The following BAIAP2L1 variants were observed in gnomAD, a reference collection of about 807,000 sequenced individuals.
BAIAP2L1 encodes BAR/IMD domain-containing adapter protein 2-like 1.
Under a neutral mutation model 66.3 loss-of-function variants are expected in BAIAP2L1, and 35 were observed. That is an observed-to-expected ratio of 0.53 (90% CI 0.40 to 0.70). The LOEUF (loss-of-function observed/expected upper bound fraction) is 0.70. BAIAP2L1 is among the 30% of genes least tolerant of loss of function. BAIAP2L1 has a pLI of 0.00. For missense variants in BAIAP2L1, 622 were observed against 656.9 expected, an observed-to-expected ratio of 0.95 and a Z score of 0.58; for synonymous variants, 269 against 248.7, an observed-to-expected ratio of 1.08 and a Z score of -0.77.
At chr7:98,369,675 T>C (rs999888973) in intron 1 of BAIAP2L1, among the ~76,000 whole-genome samples, 3 of 134,974 alleles carry the variant, frequency 2.2e-5, no homozygotes, top group Non-Finnish European at 3.3e-5. Context: ...TTTTTTTTTT[T>C]TTTTTTTTTT....
At position 98,304,364 on chromosome 7, in the gene BAIAP2L1, C is replaced by T; in HGVS notation, c.1254G>A (p.Val418=). The change falls in exon 12 of 14, where the codon GTG becomes GTA. Residue 418 remains valine (V), a synonymous_variant. Transcript: ENST00000005260. ...ACAAGTTCACGGTGCTGATGCTTCT[C>T]ACTGGTGTGGGGCTCAAACCCAAAA... ...VTVPTPSPTP[V]RSISTVNLSE... 6.2e-7 allele frequency: 1 copy of T among 1,613,496 alleles called. No individual in the cohort carries two copies. The highest frequency in any genetic ancestry group is 8.5e-7 in the Non-Finnish European group (1 of 1,179,716).
chr7:98,323,337 AAAACCCGCTCCAGTTATT>A (rs1801298919), intron 3 of BAIAP2L1: 1 of 152,216 alleles, frequency 6.6e-6, no homozygotes, highest in Non-Finnish European at 1.5e-5. Flanking sequence ...AAACAACAAC[AAAACCCGCTCCAGTTATT>A]TAGAAAATCA....
intron 1 of BAIAP2L1, among the ~76,000 whole-genome samples, chr7:98,396,565 C>G (rs904713900): frequency 2.0e-5 from 3 of 152,242 alleles, no homozygotes; most frequent in Non-Finnish European, 4.4e-5. Context: ...CTAAGAGACT[C>G]TAGGACTCAG....
intron 3 of BAIAP2L1, among the ~76,000 whole-genome samples, chr7:98,327,759 T>A (rs1167066050): frequency 2.6e-5 from 4 of 152,242 alleles, no homozygotes; most frequent in Non-Finnish European, 5.9e-5. Flanking sequence ...CCTGTGCCAA[T>A]TCTTTATTGC....
At chr7:98,308,303 C>T (rs562371996) in intron 9 of BAIAP2L1, 1 of 462,050 alleles carries the variant, frequency 2.2e-6, no homozygotes, top group East Asian at 6.8e-5. Flanking sequence ...ACCCAACTGC[C>T]AATGTCCACA....
intron 3 of BAIAP2L1, among the ~76,000 whole-genome samples, chr7:98,340,656 A>T (rs1271031913): frequency 1.3e-5 from 2 of 152,200 alleles, no homozygotes; most frequent in African/African-American, 4.8e-5. Flanking sequence ...GAGAGAAGGA[A>T]TGTTCTTCTT....
chr7:98,364,405 G>T (rs748015889), intron 1 of BAIAP2L1, among the ~76,000 whole-genome samples: 12 of 151,996 alleles, frequency 7.9e-5, no homozygotes, highest in Non-Finnish European at 1.8e-4. Flanking sequence ...TTTTTCCCTT[G>T]ACTTCCTCTA....
intron 12 of BAIAP2L1, among the ~76,000 whole-genome samples, chr7:98,299,499 G>C (rs1800333296): frequency 6.6e-6 from 1 of 150,466 alleles, no homozygotes; most frequent in Non-Finnish European, 1.5e-5. Context: ...CCTGCTTCTT[G>C]ACCACCACGT....
intron 1 of BAIAP2L1, among the ~76,000 whole-genome samples, chr7:98,389,009 A>G (rs189633564): frequency 1.3e-5 from 2 of 151,856 alleles, no homozygotes; most frequent in East Asian, 3.9e-4. Context: ...TTCAAGTTTT[A>G]TCCAAAAAAT....
rs1014718518 is a variant in BAIAP2L1 at position 98,293,101 on chromosome 7, T to C, written c.*420A>G. ...ATGCAAACTTACGTGATATCTTCTTTAGACATAATGCTATTAAGAGCACAT... is the reference window on the plus strand; with the variant it reads ...ATGCAAACTTACGTGATATCTTCTTCAGACATAATGCTATTAAGAGCACAT... On this transcript the variant is annotated 3_prime_UTR_variant, in exon 14 of 14. Transcript: ENST00000005260. 1.0e-5 allele frequency: 5 copies of C among 482,496 alleles called. No homozygotes were observed. The highest frequency in any genetic ancestry group is 1.1e-4 in the Admixed American group (2 of 18,842). 29.9% of individuals were successfully genotyped at this position (482,496 alleles called of 1,614,324 possible).
At chr7:98,392,691 A>C (rs1284015393) in intron 1 of BAIAP2L1, among the ~76,000 whole-genome samples, 4 of 152,190 alleles carry the variant, frequency 2.6e-5, no homozygotes, top group African/African-American at 9.6e-5. Context: ...AAAATGATAG[A>C]GCACAGAAAA....
At chr7:98,322,351 C>T (rs916495999) in intron 3 of BAIAP2L1, among the ~76,000 whole-genome samples, 32 of 152,164 alleles carry the variant, frequency 2.1e-4, no homozygotes, top group Non-Finnish European at 3.4e-4. Context: ...ACCACGCAGA[C>T]GTCCCATTGG....
chr7:98,355,568 A>AAAC (rs1346488349), intron 2 of BAIAP2L1: 1 of 163,820 alleles, frequency 6.1e-6, no homozygotes, highest in Admixed American at 5.8e-5. Flanking sequence ...AAAAAAAAAA[A>AAAC]AAATACATAA....
At chr7:98,363,158 C>T (rs1204538076) in intron 1 of BAIAP2L1, among the ~76,000 whole-genome samples, 1 of 151,804 alleles carries the variant, frequency 6.6e-6, no homozygotes, top group Non-Finnish European at 1.5e-5. Flanking sequence ...CCCCTGCCTC[C>T]CGAGTAGCTG....
chr7:98,386,783 T>C (rs1802904175), intron 1 of BAIAP2L1, among the ~76,000 whole-genome samples: 2 of 127,966 alleles, frequency 1.6e-5, no homozygotes, highest in African/African-American at 2.9e-5. Flanking sequence ...CACTGCAACC[T>C]CTGCCTCCAG....
Position 98,320,610 on chromosome 7 carries a change from C to G in BAIAP2L1, c.215-312G>C, listed in dbSNP as rs529623687. On this transcript the variant is annotated intron_variant, in intron 3 of 13. Transcript: ENST00000005260. ...TTGGCCTCTCAAAGTTCTGGGATTA[C>G]AGGTGTGAGCCGCCGCGCCAGGCCC... is the stretch of plus-strand genomic sequence containing the variant. 3.3e-5 allele frequency among the ~76,000 whole-genome samples: 5 copies of G among 152,298 alleles called. 1 individual carries two copies. The highest frequency in any genetic ancestry group is 9.6e-5 in the African/African-American group (4 of 41,572).
intron 3 of BAIAP2L1, among the ~76,000 whole-genome samples, chr7:98,325,093 TATC>T (rs1217331927): frequency 6.6e-6 from 1 of 152,156 alleles, no homozygotes; most frequent in Non-Finnish European, 1.5e-5. Context: ...TGATTAAAAA[TATC>T]ATTGGAGGCC....
chr7:98,353,823 G>A (rs555549637), intron 3 of BAIAP2L1, among the ~76,000 whole-genome samples: 66 of 150,156 alleles, frequency 4.4e-4, no homozygotes, highest in Admixed American at 1.7e-3. Context: ...TTAGCCAGGC[G>A]TGGTGGCGGG....
chr7:98,387,846 C>T (rs570664287), intron 1 of BAIAP2L1, among the ~76,000 whole-genome samples: 9 of 151,738 alleles, frequency 5.9e-5, no homozygotes, highest in Non-Finnish European at 1.2e-4. Flanking sequence ...CCAGCCTGGG[C>T]GACAGAGTTA....
Sources: gnomAD v4.1 joint callset for allele counts (sites outside exome capture counted in the v4.1 genomes callset) on GRCh38, gnomAD v4.1.1 for gene constraint, MANE v1.5 for transcripts, NCBI Gene and HGNC (gene_info 2026-07-23, HGNC 2026-07-21) for gene names.